Variants in SLC38A2 observed in about 807,000 individuals in gnomAD.
SLC38A2 encodes solute carrier family 38 member 2.
SLC38A2 carries 11 observed loss-of-function variants against 61.5 expected under a neutral mutation model. The ratio of observed to expected loss-of-function variants is 0.18; its 90% confidence interval spans 0.11 to 0.30. The LOEUF is 0.30. SLC38A2 is among the 10% of genes least tolerant of loss of function. The probability of loss-of-function intolerance (pLI) is 1.00; values close to 1 mark genes in which losing one functional copy is unlikely to be tolerated. For synonymous variants in SLC38A2, 217 were observed against 212.5 expected, an observed-to-expected ratio of 1.02 and a Z score of -0.18; for missense variants, 522 against 600.4, an observed-to-expected ratio of 0.87 and a Z score of 1.36.
Position 46,359,669 on chromosome 12 carries a change from C to A in SLC38A2, c.*1442G>T, listed in dbSNP as rs1007245458. 6.6e-6 allele frequency: 1 copy of A among 152,506 alleles called. No individual in the cohort carries two copies. Among genetic ancestry groups the A allele is most frequent in the Non-Finnish European group, 1.5e-5 (1 of 68,028 alleles). The allele number at this position is 152,506 out of a possible 1,614,324, so 9.4% of individuals were successfully genotyped here. ...ATAATATATTCACCATACACTGTGA[C>A]GTACGATAAATGTGCTCTTAAAGCC... is the stretch of plus-strand genomic sequence containing the variant. On this transcript the variant is annotated 3_prime_UTR_variant, in exon 16 of 16. Transcript: ENST00000256689.
Position 46,363,794 on chromosome 12 carries a change from T to G in SLC38A2, c.986A>C (p.Lys329Thr). The part of the protein sequence containing the change: ...RSRRRMMNVS[K>T]ISFFAMFLMY... ...GAGAAACATAGCAAAAAATGAAATC[T>G]TGGACACATTCATCATTCTTCTACG... Residue 329 changes from lysine (K) to threonine (T), a missense_variant, in exon 12 of 16, where the codon AAG becomes ACG. Physicochemically the swap from Lys to Thr is moderately conservative, Grantham distance 78 (BLOSUM62 -1). Around this residue, in one of 3 missense-constraint regions of SLC38A2, gnomAD observed 309 missense variants for 343.9 expected, o/e 0.90. Coordinates refer to ENST00000256689, the MANE Select transcript of SLC38A2 (RefSeq NM_018976.5). 6.3e-7 allele frequency: 1 copy of G among 1,597,406 alleles called. No individual in the cohort carries two copies. The highest frequency in any genetic ancestry group is 1.4e-5 in the African/African-American group (1 of 73,852).
chr12:46,370,271 G>C (rs1943181145), intron 4 of SLC38A2, among the ~76,000 whole-genome samples: 1 of 152,146 alleles, frequency 6.6e-6, no homozygotes, highest in African/African-American at 2.4e-5. Context: ...CACTGACTTA[G>C]AAGACTTCTG....
intron 7 of SLC38A2, among the ~76,000 whole-genome samples, chr12:46,366,522 G>T (rs764513950): frequency 1.3e-5 from 2 of 151,926 alleles, no homozygotes; most frequent in Admixed American, 1.3e-4. Context: ...AAAATAAGAC[G>T]GATTAATTTT....
chr12:46,363,178 C>A, intron 12 of SLC38A2, 33 bp from the exon 13 acceptor site: 2 of 1,605,334 alleles, frequency 1.2e-6, no homozygotes, highest in Non-Finnish European at 1.7e-6. Context: ...CTTTGATTGG[C>A]TGTTTTCATT....
At position 46,370,494 on chromosome 12, in the gene SLC38A2, C is replaced by G. The variant is rs374921149; in HGVS notation, c.314+18G>C. The G allele has an allele frequency of 4.5e-6, 7 of 1,571,506 alleles. No individual in the cohort carries two copies. The highest frequency in any genetic ancestry group is 6.1e-6 in the Non-Finnish European group (7 of 1,141,336). ...GTAACTGCCCTGCATGGCAGACTCA[C>G]TACTTACACATACTTACATAAAAAG... is the stretch of plus-strand genomic sequence containing the variant. On this transcript the variant is annotated intron_variant, in intron 4 of 15. Coordinates refer to ENST00000256689, the MANE Select transcript of SLC38A2 (RefSeq NM_018976.5).
At position 46,367,253 on chromosome 12, in the gene SLC38A2, G is replaced by C; in HGVS notation, c.388+14C>G. 1.3e-6 allele frequency: 2 copies of C among 1,589,772 alleles called. No individual in the cohort carries two copies. Among genetic ancestry groups the C allele is most frequent in the South Asian group, 2.2e-5 (2 of 90,282 alleles). On this transcript the variant is annotated intron_variant, in intron 5 of 15. Coordinates refer to ENST00000256689, the MANE Select transcript of SLC38A2 (RefSeq NM_018976.5). ...GTATACATTGTTTTAGAAAAATCAA[G>C]AATGCTATCATACCTCCTTCATTGG...
intron 4 of SLC38A2, among the ~76,000 whole-genome samples, chr12:46,367,876 T>A (rs764764293): frequency 2.6e-5 from 4 of 152,156 alleles, no homozygotes; most frequent in Non-Finnish European, 5.9e-5. Context: ...CTCATGCCTG[T>A]AATCCCAGCA....
rs776266864 is a variant in SLC38A2, at chr12:46,361,224, G to A, written c.1423-15C>T. On this transcript the variant is annotated splice_polypyrimidine_tract_variant and intron_variant, in intron 15 of 15. Coordinates refer to ENST00000256689, the MANE Select transcript of SLC38A2 (RefSeq NM_018976.5). ...AAGAACAAAGCCTGCAAAGAGCATA[G>A]AGAAAATTGATCAGCAAGTAATAAA... The A allele has an allele frequency of 1.2e-6, 2 of 1,603,140 alleles. No homozygotes were observed. Among genetic ancestry groups the A allele is most frequent in the Non-Finnish European group, 8.5e-7 (1 of 1,171,932 alleles).
rs138887803 is a variant in SLC38A2, at chr12:46,367,784, C to T, written c.315-444G>A. 2.0e-3 allele frequency among the ~76,000 whole-genome samples: 308 copies of T among 152,290 alleles called. 2 individuals carry two copies. The highest frequency in any genetic ancestry group is 3.2e-3 in the Non-Finnish European group (218 of 68,024). ...CAGCCCACAAGGTTCTTGGGAAATT[C>T]AACTGAGACACGTTCAGGAAAGGTT... On this transcript the variant is annotated intron_variant, in intron 4 of 15. Coordinates refer to ENST00000256689, the MANE Select transcript of SLC38A2 (RefSeq NM_018976.5).
chr12:46,364,469 T>A lies in SLC38A2; in HGVS notation c.793A>T (p.Thr265Ser). The change falls in exon 10 of 16, where the codon ACA (threonine) becomes TCA (serine). Residue 265 changes from threonine to serine, a missense_variant. Transcript: ENST00000256689. ...TGTGACAAAGCAGGTACAAGAGCTG[T>A]TGGCTGTGTTAAGGTGGTGTTTATT... The part of the protein sequence containing the change: ...ETINTTLTQP[T>S]ALVPALSHNV... 1 of 1,613,052 alleles carries A rather than the reference T, an allele frequency of 6.2e-7. No homozygotes were observed. Among genetic ancestry groups the A allele is most frequent in the African/African-American group, 1.3e-5 (1 of 74,938 alleles).
At chr12:46,368,818 A>G (rs1943165595) in intron 4 of SLC38A2, among the ~76,000 whole-genome samples, 1 of 152,224 alleles carries the variant, frequency 6.6e-6, no homozygotes, top group African/African-American at 2.4e-5. Context: ...TCCATGTCTT[A>G]TACTGAAATG....
chr12:46,370,711 T>C (rs1227946436), intron 3 of SLC38A2, 65 bp downstream of exon 3: 5 of 1,539,476 alleles, frequency 3.2e-6, no homozygotes, highest in East Asian at 2.2e-5. Context: ...ATTTGAATTC[T>C]AAAAGTAAAA....
At position 46,358,262 on chromosome 12, in the gene SLC38A2, C is replaced by G. The variant is rs1943042517; in HGVS notation, c.*2849G>C. 1 of 152,612 alleles carries G rather than the reference C, an allele frequency of 6.6e-6. No individual in the cohort carries two copies. The highest frequency in any genetic ancestry group is 6.5e-5 in the Admixed American group (1 of 15,278). The allele number at this position is 152,612 out of a possible 1,614,324, so 9.5% of individuals were successfully genotyped here. On this transcript the variant is annotated 3_prime_UTR_variant, in exon 16 of 16. Transcript: ENST00000256689. ...TGTTTCATTGAAACGGTGTAGCACT[C>G]TTTGCCAACAAGCCATACTAGAATT...
In SLC38A2 at chr12:46,363,151, G is replaced by A. The variant is rs1465252765; in HGVS notation, c.1055-6C>T. 3 of 1,608,706 alleles carry A rather than the reference G, an allele frequency of 1.9e-6. No homozygotes were observed. Among genetic ancestry groups the A allele is most frequent in the Admixed American group, 1.7e-5 (1 of 59,268 alleles). On this transcript the variant is annotated splice_polypyrimidine_tract_variant and splice_region_variant and intron_variant, in intron 12 of 15. Coordinates refer to ENST00000256689, the MANE Select transcript of SLC38A2 (RefSeq NM_018976.5). ...CAATTCTGACTCAACATGTTCTACA[G>A]GGAAAGACCAAAAAAACTTTGATTG...
intron 1 of SLC38A2, 65 bp downstream of exon 1, chr12:46,372,444 A>C: frequency 2.8e-6 from 1 of 359,664 alleles, no homozygotes; most frequent in Non-Finnish European, 5.0e-6. Context: ...CCCTCCCGGA[A>C]GCCCCTCCCC....
At position 46,363,105 on chromosome 12, in the gene SLC38A2, G is replaced by A. The variant is rs2120531515; in HGVS notation, c.1095C>T (p.Ile365=). The A allele has an allele frequency of 6.2e-7, 1 of 1,613,022 alleles. No individual in the cohort carries two copies. Among genetic ancestry groups the A allele is most frequent in the South Asian group, 1.1e-5 (1 of 91,046 alleles). ...TGAGAAGAAGAATATCAGTTCCCAA[G>A]ATAGAAGAGTAGGTATGAAGCAATT... ...ESELLHTYSS[I]LGTDILLLIV... The change falls in exon 13 of 16, where the codon ATC becomes ATT. Residue 365 remains isoleucine, a synonymous_variant. Coordinates refer to ENST00000256689, the MANE Select transcript of SLC38A2 (RefSeq NM_018976.5).
At chr12:46,369,545 A>G (rs1943172603) in intron 4 of SLC38A2, among the ~76,000 whole-genome samples, 1 of 152,114 alleles carries the variant, frequency 6.6e-6, no homozygotes, top group Admixed American at 6.5e-5. Context: ...TGCTATATAC[A>G]TATGGTTTCC....
intron 10 of SLC38A2, 95 bp from the exon 11 acceptor site, chr12:46,364,098 C>T: frequency 8.8e-7 from 1 of 1,136,434 alleles, no homozygotes; most frequent in Non-Finnish European, 1.2e-6. Context: ...ATCTTAGAAT[C>T]AAAGCCTAAG....
chr12:46,365,015 G>C, intron 8 of SLC38A2, 92 bp downstream of exon 8: 1 of 1,199,378 alleles, frequency 8.3e-7, no homozygotes, highest in South Asian at 1.3e-5. Flanking sequence ...ACTTTCTAGG[G>C]CTTTTTCATT....
Sources: allele counts gnomAD v4.1 joint callset (sites outside exome capture counted in the v4.1 genomes callset), GRCh38; gene constraint gnomAD v4.1.1; regional missense constraint gnomAD v4.1.1; transcripts MANE v1.5; gene names NCBI Gene and HGNC (gene_info 2026-07-23, HGNC 2026-07-21).